POLR1A: variants seen among roughly 807,000 people sequenced by gnomAD.
The protein encoded by POLR1A is RNA polymerase I subunit A.
In POLR1A, 84 loss-of-function variants were observed where a neutral mutation model predicts 205.3. The ratio of observed to expected loss-of-function variants is 0.41; its 90% CI spans 0.34 to 0.49. The LOEUF is 0.49. Among genes scored for constraint, POLR1A ranks in the 20% least tolerant of loss-of-function variants. The probability of loss-of-function intolerance (pLI) is 0.22; values close to 1 mark genes in which losing one functional copy is unlikely to be tolerated. For synonymous variants in POLR1A, 799 were observed against 863.7 expected (o/e 0.93, Z 1.31); for missense variants, 1,645 against 2,204.5 (o/e 0.75, Z 5.08).
In POLR1A at chr2:86,078,019, A is replaced by T. The variant is rs754352261; in HGVS notation, c.1258-38T>A. ...AAAAGGTCATAAAAAACATTCAACA[A>T]GAATTCCAGTAGGCTTATTAGTTTC... is the stretch of plus-strand genomic sequence containing the variant. On this transcript the variant is annotated intron_variant, in intron 10 of 33. Transcript: ENST00000263857. 2.5e-6 allele frequency: 4 copies of T among 1,613,664 alleles called. No individual in the cohort carries two copies. In the African/African-American group the frequency reaches 5.3e-5, roughly 22 times the overall value.
chr2:86,074,993 G>A (rs748127735), intron 12 of POLR1A, 37 bp downstream of exon 12: 2 of 1,420,976 alleles, frequency 1.4e-6, no homozygotes, highest in East Asian at 2.4e-5. Context: ...CCGAACAGGA[G>A]CCGGATGGGT....
chr2:86,075,590 T>C (rs1673266042), intron 11 of POLR1A, among the ~76,000 whole-genome samples: 1 of 152,008 alleles, frequency 6.6e-6, no homozygotes, highest in East Asian at 1.9e-4. Flanking sequence ...CTCACCACAA[T>C]CTCCGCCTCC....
rs375382464 is a variant in POLR1A, at chr2:86,079,546, G to C, written c.1087-1262C>G. Among the ~76,000 whole-genome samples the C allele has an allele frequency of 3.9e-5, 6 of 152,230 alleles. No homozygotes were observed. The East Asian group carries it at 9.7e-4, about 25-fold the overall frequency. ...AGAGGCGAAGCATTTGTTTGACAAA[G>C]GGGACGACCAATTTTTCTTTTTTTT... On this transcript the variant is annotated intron_variant, in intron 9 of 33. Coordinates refer to ENST00000263857, the MANE Select transcript of POLR1A (RefSeq NM_015425.6).
At chr2:86,029,158 C>T (rs572147478) in intron 31 of POLR1A, among the ~76,000 whole-genome samples, 6 of 152,310 alleles carry the variant, frequency 3.9e-5, no homozygotes, top group South Asian at 2.1e-4. Flanking sequence ...GGCCAAGGTG[C>T]GGCTGAGCTG....
intron 6 of POLR1A, 56 bp from the exon 7 acceptor site, chr2:86,083,224 G>T: frequency 8.4e-7 from 1 of 1,195,940 alleles, no homozygotes. Context: ...TACTCTTTCT[G>T]CAATGGGATT....
At chr2:86,087,650 C>G (rs1350062299) in intron 6 of POLR1A, among the ~76,000 whole-genome samples, 1 of 152,228 alleles carries the variant, frequency 6.6e-6, no homozygotes, top group East Asian at 1.9e-4. Context: ...TCAAGCGATT[C>G]TCCTGCCCTA....
chr2:86,047,231 G>A lies in POLR1A; in HGVS notation c.2667C>T (p.Phe889=). ...ACMPFGLHRQ[F]PENSLQMMVQ... ...CCATCATCTGCAGGCTGTTCTCTGG[G>A]AACTGTCTGTGTAGGCCAAAAGGCA... The change falls in exon 19 of 34, where the codon TTC becomes TTT. Residue 889 remains phenylalanine (F), a synonymous_variant. Coordinates refer to ENST00000263857, the MANE Select transcript of POLR1A (RefSeq NM_015425.6). 3.1e-6 allele frequency: 5 copies of A among 1,614,034 alleles called. No homozygotes were observed. The highest frequency in any genetic ancestry group is 4.2e-6 in the Non-Finnish European group (5 of 1,179,942).
intron 14 of POLR1A, among the ~76,000 whole-genome samples, chr2:86,063,754 G>A (rs1446259485): frequency 6.6e-6 from 1 of 152,166 alleles, no homozygotes; most frequent in African/African-American, 2.4e-5. Context: ...CTGGAGAGCA[G>A]GAAGAGACCT....
intron 6 of POLR1A, among the ~76,000 whole-genome samples, chr2:86,086,390 C>T (rs1046883276): frequency 2.6e-5 from 4 of 152,188 alleles, no homozygotes; most frequent in African/African-American, 9.7e-5. Flanking sequence ...CCAGCCTAGC[C>T]CTCACTTTTT....
At position 86,025,289 on chromosome 2, in the gene POLR1A, A is replaced by G. The variant is rs1690241385; in HGVS notation, c.*2134T>C. ...ACTTGGGCCTACTTTCCAAAACTCA[A>G]ATGCATCCTCAATGGGCACTTACAG... On this transcript the variant is annotated 3_prime_UTR_variant, in exon 34 of 34. Transcript: ENST00000263857. 1 of 152,180 alleles carries G rather than the reference A, an allele frequency of 6.6e-6. No homozygotes were observed. Among genetic ancestry groups the G allele is most frequent in the African/African-American group, 2.4e-5 (1 of 41,436 alleles). The allele number at this position is 152,180 out of a possible 1,614,324, so 9.4% of individuals were successfully genotyped here. A position where few individuals can be genotyped will look rare whatever the true frequency, so the allele number is the denominator to read the frequency against.
At chr2:86,095,725 C>G (rs1183393689) in intron 3 of POLR1A, among the ~76,000 whole-genome samples, 3 of 92,560 alleles carry the variant, frequency 3.2e-5, no homozygotes, top group Non-Finnish European at 6.6e-5. Context: ...ATTACATATT[C>G]TTTTCTTTTT....
chr2:86,047,975 C>G (rs893366484), intron 18 of POLR1A, among the ~76,000 whole-genome samples: 1 of 152,198 alleles, frequency 6.6e-6, no homozygotes, highest in Non-Finnish European at 1.5e-5. Context: ...CTAGCATCCC[C>G]AGTCAGCCCT....
intron 1 of POLR1A, among the ~76,000 whole-genome samples, chr2:86,105,161 T>C (rs774539619): frequency 3.6e-4 from 54 of 152,064 alleles, no homozygotes; most frequent in Non-Finnish European, 7.1e-4. Context: ...TGAAGACAAA[T>C]AAGGTTCTGG....
intron 25 of POLR1A, among the ~76,000 whole-genome samples, chr2:86,039,838 A>G (rs1311227106): frequency 2.0e-5 from 3 of 152,216 alleles, no homozygotes; most frequent in African/African-American, 4.8e-5. Context: ...CTGGATGTAT[A>G]GTGGGTCCCA....
chr2:86,078,430 A>G (rs922436777), intron 9 of POLR1A, 146 bp from the exon 10 acceptor site: 4 of 596,604 alleles, frequency 6.7e-6, no homozygotes, highest in East Asian at 2.9e-5. Flanking sequence ...AGAGACAAAC[A>G]TGCTAATAAA....
Position 86,075,040 on chromosome 2 carries a change from C to G in POLR1A, c.1601G>C (p.Gly534Ala). Residue 534 changes from glycine to alanine, a missense_variant, in exon 12 of 34, where the codon GGG becomes GCG. Physicochemically the swap from Gly to Ala is moderately conservative, Grantham distance 60 (BLOSUM62 0). This residue lies in a region of POLR1A where 131 missense variants were observed against 214.5 expected (regional missense o/e 0.61). Coordinates refer to ENST00000263857, the MANE Select transcript of POLR1A (RefSeq NM_015425.6). ...TPATGAPKPQ[G>A]TKIVCRHVKN... ...GCTGCCCTTACTCACAATTTTTGTC[C>G]CCTGGGGCTTAGGTGCCCCCGTGGC... 6.2e-7 allele frequency: 1 copy of G among 1,608,034 alleles called. No individual in the cohort carries two copies. Among genetic ancestry groups the G allele is most frequent in the Non-Finnish European group, 8.5e-7 (1 of 1,178,028 alleles).
intron 11 of POLR1A, among the ~76,000 whole-genome samples, chr2:86,077,536 A>C (rs1179282764): frequency 6.6e-6 from 1 of 152,194 alleles, no homozygotes; most frequent in Non-Finnish European, 1.5e-5. Flanking sequence ...ACTAGGCTGA[A>C]GTGGGCAGGA....
At chr2:86,099,305 C>T (rs1273731901) in intron 2 of POLR1A, among the ~76,000 whole-genome samples, 1 of 150,286 alleles carries the variant, frequency 6.7e-6, no homozygotes, top group Non-Finnish European at 1.5e-5. Flanking sequence ...TACAGTGAGC[C>T]AAGATCGTGC....
chr2:86,054,337 C>T (rs758573781), intron 14 of POLR1A, 48 bp from the exon 15 acceptor site: 161 of 1,595,462 alleles, frequency 1.0e-4, no homozygotes, highest in Non-Finnish European at 8.5e-5. Context: ...AAAGTGATGG[C>T]AAAATGAGGA....
Sources: allele counts gnomAD v4.1 joint callset (sites outside exome capture counted in the v4.1 genomes callset), GRCh38; gene constraint gnomAD v4.1.1; regional missense constraint gnomAD v4.1.1; transcripts MANE v1.5; gene names NCBI Gene and HGNC (gene_info 2026-07-23, HGNC 2026-07-21).